SNED1: variants seen among roughly 807,000 people sequenced by gnomAD.
The protein encoded by SNED1 is sushi, nidogen and EGF-like domain-containing protein 1.
Under a neutral mutation model 166.7 loss-of-function variants are expected in SNED1, and 81 were observed. The ratio of observed to expected loss-of-function variants is 0.49; its 90% confidence interval spans 0.41 to 0.58. The LOEUF is 0.58. SNED1 is among the 20% of genes least tolerant of loss of function. The probability of loss-of-function intolerance (pLI) is 0.00; values close to 1 mark genes in which losing one functional copy is unlikely to be tolerated. For missense variants in SNED1, 1,604 were observed against 2,000.2 expected (o/e 0.80, Z 3.78); for synonymous variants, 762 against 822.0 (o/e 0.93, Z 1.25).
rs141459206 is a variant in SNED1, at chr2:241,068,349, G to A, written c.3194+402G>A. On this transcript the variant is annotated intron_variant, in intron 22 of 31. Transcript: ENST00000310397. The surrounding 1 kb of genome is among the most constrained non-coding windows in gnomAD (Gnocchi z 5.3). ...GACCCCTCAGAGAGCAGCGGCCAGCGAGGGTAGATGGTAGCAGCCCCGAGC... is the reference window on the plus strand; with the variant it reads ...GACCCCTCAGAGAGCAGCGGCCAGCAAGGGTAGATGGTAGCAGCCCCGAGC... Among the ~76,000 whole-genome samples the A allele has an allele frequency of 2.2e-3, 316 of 144,068 alleles. 3 individuals are homozygous for A. The highest frequency in any genetic ancestry group is 8.7e-3 in the African/African-American group (299 of 34,354). 94.5% of individuals were successfully genotyped at this position (144,068 alleles called of 152,430 possible). A position where few individuals can be genotyped will look rare whatever the true frequency, so the allele number is the denominator to read the frequency against.
At chr2:241,067,189 C>T (rs1432531178) in intron 21 of SNED1, among the ~76,000 whole-genome samples, 2 of 152,184 alleles carry the variant, frequency 1.3e-5, no homozygotes, top group Non-Finnish European at 2.9e-5. Context: ...GTCCACAGAC[C>T]GGGGTGCTGA....
intron 5 of SNED1, 65 bp from the exon 6 acceptor site, chr2:241,037,175 G>T (rs2061400788): frequency 1.5e-6 from 2 of 1,369,712 alleles, no homozygotes; most frequent in Non-Finnish European, 2.0e-6. Flanking sequence ...CCCAACCCGA[G>T]CCCTTAGAGA....
At position 241,051,667 on chromosome 2, in the gene SNED1, G is replaced by A; in HGVS notation, c.1736-77G>A. The A allele has an allele frequency of 8.5e-7, 1 of 1,181,090 alleles. No homozygotes were observed. The highest frequency in any genetic ancestry group is 1.2e-6 in the Non-Finnish European group (1 of 867,372). The allele number at this position is 1,181,090 out of a possible 1,614,324, so 73.2% of individuals were successfully genotyped here. ...CCCACCAGCACCAGAGGACTGAGGA[G>A]ATGCCAGGAGGGTATAGTGGCTCTG... On this transcript the variant is annotated intron_variant, in intron 12 of 31. Transcript: ENST00000310397. This position sits in a 1 kb window ranked among gnomAD's most constrained non-coding sequence, Gnocchi z 4.7.
At chr2:241,040,520 C>T (rs1487175024) in intron 8 of SNED1, 107 bp downstream of exon 8, 3 of 705,082 alleles carry the variant, frequency 4.3e-6, no homozygotes, top group African/African-American at 3.6e-5. Flanking sequence ...ACTCACCTCA[C>T]ACCTGTCTCT....
chr2:241,053,706 G>T (rs1011305989), intron 16 of SNED1, among the ~76,000 whole-genome samples: 1 of 152,154 alleles, frequency 6.6e-6, no homozygotes, highest in Non-Finnish European at 1.5e-5. Context: ...AAGACTTGTG[G>T]AATCAGAACA....
chr2:241,058,562 T>C (rs2062133722), intron 16 of SNED1, among the ~76,000 whole-genome samples: 1 of 152,226 alleles, frequency 6.6e-6, no homozygotes, highest in African/African-American at 2.4e-5. Flanking sequence ...AATTATGTGC[T>C]TATGTATCAG....
intron 29 of SNED1, among the ~76,000 whole-genome samples, chr2:241,083,856 A>C (rs904291877): frequency 3.9e-5 from 6 of 151,926 alleles, no homozygotes; most frequent in African/African-American, 1.5e-4. Context: ...ACCATTTACT[A>C]CCTTCCACAT....
At position 241,037,106 on chromosome 2, in the gene SNED1, C is replaced by T. The variant is rs116922494; in HGVS notation, c.932-134C>T. ...GGCCCCCTGGAGTGAGCACCATGGG[C>T]GGGTGCAGTTGCTGCCCTCTCTGAG... is the stretch of plus-strand genomic sequence containing the variant. On this transcript the variant is annotated intron_variant, in intron 5 of 31. Transcript: ENST00000310397. 9.7e-5 allele frequency: 97 copies of T among 997,242 alleles called. No homozygotes were observed. In the East Asian group the frequency reaches 1.4e-3, roughly 15 times the overall value. The allele number at this position is 997,242 out of a possible 1,614,324, so 61.8% of individuals were successfully genotyped here. A position where few individuals can be genotyped will look rare whatever the true frequency, so the allele number is the denominator to read the frequency against.
intron 27 of SNED1, among the ~76,000 whole-genome samples, chr2:241,076,395 G>A (rs904347934): frequency 1.3e-5 from 2 of 152,210 alleles, no homozygotes; most frequent in East Asian, 3.9e-4. Flanking sequence ...TTTGATACTA[G>A]TATATACTTT....
chr2:241,087,354 T>C (rs1404226593), intron 29 of SNED1, 38 bp from the exon 30 acceptor site: 3 of 1,556,486 alleles, frequency 1.9e-6, no homozygotes, highest in Admixed American at 2.0e-5. Flanking sequence ...ACATTTTGCT[T>C]CACTGTCTGG....
chr2:241,080,403 T>C (rs986601093), intron 27 of SNED1, among the ~76,000 whole-genome samples: 1 of 152,204 alleles, frequency 6.6e-6, no homozygotes, highest in Non-Finnish European at 1.5e-5. Context: ...TTCTGTTCAT[T>C]GAAAGGCCTG....
rs1365384185 is a variant in SNED1, at chr2:241,051,935, C to T, written c.1852+75C>T. 1.4e-6 allele frequency: 2 copies of T among 1,470,108 alleles called. No individual in the cohort carries two copies. The highest frequency in any genetic ancestry group is 2.8e-5 in the African/African-American group (2 of 71,636). The allele number at this position is 1,470,108 out of a possible 1,614,324, so 91.1% of individuals were successfully genotyped here. ...GAGCTGGGGCCCCTGATGCACCCTC[C>T]CTGCCAGCTGTGGGTCTGCTTCTCA... On this transcript the variant is annotated intron_variant, in intron 13 of 31. Coordinates refer to ENST00000310397, the MANE Select transcript of SNED1 (RefSeq NM_001080437.3). This position sits in a 1 kb window ranked among gnomAD's most constrained non-coding sequence, Gnocchi z 4.7.
In SNED1 at chr2:241,068,818, T is replaced by C. The variant is rs2062579339; in HGVS notation, c.3195-93T>C. 2 of 849,694 alleles carry C rather than the reference T, an allele frequency of 2.4e-6. No individual in the cohort carries two copies. The highest frequency in any genetic ancestry group is 3.5e-5 in the South Asian group (2 of 57,650). The allele number at this position is 849,694 out of a possible 1,614,324, so 52.6% of individuals were successfully genotyped here. ...CAGCAGCAGGATGACCTCCCCGCAGTCACCTCCTGCCTGGGGGAGCTGCGG... is the reference window on the plus strand; with the variant it reads ...CAGCAGCAGGATGACCTCCCCGCAGCCACCTCCTGCCTGGGGGAGCTGCGG... On this transcript the variant is annotated intron_variant, in intron 22 of 31. Transcript: ENST00000310397. The surrounding 1 kb of genome is among the most constrained non-coding windows in gnomAD (Gnocchi z 5.3).
In SNED1 at chr2:241,053,263, G is replaced by A. The variant is rs201696513; in HGVS notation, c.2194G>A (p.Ala732Thr). 51 of 1,602,164 alleles carry A rather than the reference G, an allele frequency of 3.2e-5. No homozygotes were observed. In the East Asian group the frequency reaches 7.8e-4, roughly 25 times the overall value. ...ATGTGACCGTGGCTACAGCCTGAGC[G>A]CCCCCAGCCGCATCCGGGTCTGCCA... ...YACDRGYSLS[A>T]PSRIRVCQPH... Residue 732 changes from alanine to threonine, a missense_variant, in exon 16 of 32, where the codon GCC becomes ACC. By Grantham distance (58) the Ala-to-Thr change is moderately conservative. Around this residue, in one of 2 missense-constraint regions of SNED1, gnomAD observed 1,237 missense variants for 1,620.8 expected, o/e 0.76. Coordinates refer to ENST00000310397, the MANE Select transcript of SNED1 (RefSeq NM_001080437.3).
intron 2 of SNED1, 108 bp from the exon 3 acceptor site, chr2:241,033,627 A>G: frequency 7.7e-7 from 1 of 1,296,536 alleles, no homozygotes; most frequent in Non-Finnish European, 1.0e-6. Context: ...ACATTGAGCA[A>G]GCCAGGGGCC....
chr2:241,088,475 ATC>A, intron 31 of SNED1, 73 bp downstream of exon 31: 1 of 1,234,480 alleles, frequency 8.1e-7, no homozygotes, highest in Non-Finnish European at 1.2e-6. Flanking sequence ...CAGCCCCGGG[ATC>A]TCAGAGTGCC....
chr2:241,081,342 A>G (rs2063318061), intron 27 of SNED1, among the ~76,000 whole-genome samples: 1 of 152,140 alleles, frequency 6.6e-6, no homozygotes, highest in South Asian at 2.1e-4. Flanking sequence ...GGGAGGGGCC[A>G]CAGGCCAGTG....
rs375225220 is a variant in SNED1, at chr2:241,073,403, G to C, written c.3916+39G>C. ...GCTGGTGGGGACTTTGGGACTGACTGACTGCTCTCAGGGGCCTTAGAGGCT... is the reference window on the plus strand; with the variant it reads ...GCTGGTGGGGACTTTGGGACTGACTCACTGCTCTCAGGGGCCTTAGAGGCT... On this transcript the variant is annotated intron_variant, in intron 27 of 31. Coordinates refer to ENST00000310397, the MANE Select transcript of SNED1 (RefSeq NM_001080437.3). The surrounding 1 kb of genome is among the most constrained non-coding windows in gnomAD (Gnocchi z 6.6). The C allele has an allele frequency of 1.0e-5, 15 of 1,503,048 alleles. No homozygotes were observed. The African/African-American group carries it at 1.9e-4, about 20-fold the overall frequency. 93.1% of individuals were successfully genotyped at this position (1,503,048 alleles called of 1,614,324 possible).
chr2:241,035,142 C>T (rs1322446386), intron 4 of SNED1, among the ~76,000 whole-genome samples: 3 of 152,134 alleles, frequency 2.0e-5, no homozygotes, highest in African/African-American at 7.2e-5. Flanking sequence ...CCCACCCAGC[C>T]TCCTGCCTGG....
Sources: allele counts gnomAD v4.1 joint callset (sites outside exome capture counted in the v4.1 genomes callset), GRCh38; gene constraint gnomAD v4.1.1; regional missense constraint gnomAD v4.1.1; non-coding constraint Gnocchi (gnomAD v3.1); transcripts MANE v1.5; gene names NCBI Gene and HGNC (gene_info 2026-07-23, HGNC 2026-07-21).